The following NUP37 variants were observed in gnomAD, a reference collection of about 807,000 sequenced individuals.
NUP37 encodes the protein nucleoporin 37, also known as nucleoporin Nup37.
A neutral mutation model predicts 45.4 loss-of-function variants in NUP37; 33 were observed. The ratio of observed to expected loss-of-function variants is 0.73; its 90% CI spans 0.55 to 0.97. NUP37 has a LOEUF of 0.97. Ranked by LOEUF, NUP37 falls within the 50% of genes least tolerant of loss-of-function variation. NUP37 has a pLI of 0.00. For missense variants in NUP37, 365 were observed against 389.7 expected (o/e 0.94, Z 0.53); for synonymous variants, 127 against 130.7 (o/e 0.97, Z 0.19).
At chr12:102,102,469 TTGAG>T (rs1374727593) in intron 3 of NUP37, among the ~76,000 whole-genome samples, 3 of 152,232 alleles carry the variant, frequency 2.0e-5, no homozygotes, top group East Asian at 1.9e-4. Flanking sequence ...TTTCTTGTGA[TTGAG>T]TAATTTGAGT....
At chr12:102,075,949 T>C (rs1201329334) in intron 8 of NUP37, among the ~76,000 whole-genome samples, 1 of 152,146 alleles carries the variant, frequency 6.6e-6, no homozygotes, top group Non-Finnish European at 1.5e-5. Context: ...CACAGCCATC[T>C]TGTAACTATG....
chr12:102,077,177 A>G, intron 7 of NUP37, 145 bp downstream of exon 7: 1 of 791,146 alleles, frequency 1.3e-6, no homozygotes, highest in East Asian at 2.6e-5. Context: ...GTTATATAAA[A>G]ATCCATAGCT....
At chr12:102,097,078 G>A (rs1456194420) in intron 5 of NUP37, among the ~76,000 whole-genome samples, 1 of 152,052 alleles carries the variant, frequency 6.6e-6, no homozygotes, top group Non-Finnish European at 1.5e-5. Flanking sequence ...CTCATTCTGG[G>A]ATCAGTAGCT....
At chr12:102,074,652 C>T in intron 9 of NUP37, 185 bp from the exon 10 acceptor site, 1 of 543,342 alleles carries the variant, frequency 1.8e-6, no homozygotes, top group Non-Finnish European at 3.2e-6. Context: ...GGATACAATC[C>T]ATCTATGAAT....
chr12:102,085,720 A>G (rs777177947), intron 6 of NUP37, 46 bp downstream of exon 6: 36 of 914,150 alleles, frequency 3.9e-5, no homozygotes, highest in East Asian at 1.1e-4. Context: ...TTATATCTCT[A>G]TAAGTCTTTT....
intron 3 of NUP37, among the ~76,000 whole-genome samples, chr12:102,110,310 G>T (rs1029810012): frequency 6.6e-6 from 1 of 151,886 alleles, no homozygotes; most frequent in Non-Finnish European, 1.5e-5. Context: ...GACCAGCCTG[G>T]GCAACATGGC....
At chr12:102,088,207 T>G (rs1417339202) in intron 5 of NUP37, among the ~76,000 whole-genome samples, 1 of 152,206 alleles carries the variant, frequency 6.6e-6, no homozygotes, top group Non-Finnish European at 1.5e-5. Context: ...TGTTAAGTCT[T>G]ATTTTCCTTT....
intron 5 of NUP37, among the ~76,000 whole-genome samples, chr12:102,089,002 G>A (rs940278659): frequency 1.3e-5 from 2 of 151,910 alleles, no homozygotes; most frequent in Admixed American, 1.3e-4. Flanking sequence ...GACACAGCAC[G>A]TTTCAGAGAG....
intron 5 of NUP37, among the ~76,000 whole-genome samples, chr12:102,089,896 A>G (rs867897948): frequency 5.3e-5 from 8 of 152,238 alleles, no homozygotes; most frequent in Non-Finnish European, 8.8e-5. Flanking sequence ...GTCGTCACCA[A>G]GAATGCTGCT....
At position 102,112,506 on chromosome 12, in the gene NUP37, G is replaced by T. The variant is rs1481049235; in HGVS notation, c.157-274C>A. Among the ~76,000 whole-genome samples, 3 of 152,076 alleles carry T rather than the reference G, an allele frequency of 2.0e-5. No individual in the cohort carries two copies. In the East Asian group the frequency reaches 5.8e-4, roughly 29 times the overall value. ...ATTTCATAATAAGTTCAATGAAAAT[G>T]GACTGCTTGGTCAGGCGTGTTGGCT... On this transcript the variant is annotated intron_variant, in intron 2 of 9. Transcript: ENST00000552283.
At chr12:102,097,503 C>T (rs1879838900) in intron 5 of NUP37, among the ~76,000 whole-genome samples, 1 of 152,090 alleles carries the variant, frequency 6.6e-6, no homozygotes, top group Non-Finnish European at 1.5e-5. Context: ...AACCCTATGT[C>T]AGTCCCCTAA....
chr12:102,077,720 C>T (rs1278716554), intron 6 of NUP37, among the ~76,000 whole-genome samples: 1 of 152,100 alleles, frequency 6.6e-6, no homozygotes. Flanking sequence ...AAGCACTTAA[C>T]ACAAACTTTG....
intron 4 of NUP37, among the ~76,000 whole-genome samples, 163 bp from the exon 5 acceptor site, chr12:102,099,363 C>G (rs973412163): frequency 6.6e-6 from 1 of 152,152 alleles, no homozygotes; most frequent in Non-Finnish European, 1.5e-5. Context: ...TTTATACACC[C>G]ACTTTTCTAG....
rs139625051 is a variant in NUP37 at position 102,118,369 on chromosome 12, C to T, written c.150G>A (p.Thr50=). ...GNNYVVIGTC[T]FQEEEADVEG... is the part of the protein sequence containing the mutation. ...TGCAGTTTTGTAGACTAACCTGAAA[C>T]GTACACGTGCCAATGACCACATAAT... Residue 50 remains threonine, a synonymous_variant, in exon 2 of 10, where the codon ACG becomes ACA. Transcript: ENST00000552283. 3.2e-4 allele frequency: 523 copies of T among 1,612,006 alleles called. No individual in the cohort carries two copies. The highest frequency in any genetic ancestry group is 4.0e-4 in the Non-Finnish European group (472 of 1,179,170).
intron 7 of NUP37, 91 bp from the exon 8 acceptor site, chr12:102,076,938 A>T (rs1167333244): frequency 1.2e-6 from 1 of 863,780 alleles, no homozygotes; most frequent in Non-Finnish European, 1.9e-6. Flanking sequence ...TTTATAGGAC[A>T]GAATGTCCAA....
chr12:102,104,745 T>C (rs944606497), intron 3 of NUP37, among the ~76,000 whole-genome samples: 4 of 152,220 alleles, frequency 2.6e-5, no homozygotes, highest in African/African-American at 9.6e-5. Context: ...TTGTCAAAGA[T>C]CATTTGATGG....
At chr12:102,074,787 C>CA (rs548638254) in intron 9 of NUP37, 208 of 443,904 alleles carry the variant, frequency 4.7e-4, no homozygotes, top group African/African-American at 3.8e-3. Flanking sequence ...GAATACTGGC[C>CA]AAAAAAACCT....
intron 6 of NUP37, among the ~76,000 whole-genome samples, chr12:102,084,146 A>G (rs561382217): frequency 1.3e-5 from 2 of 152,198 alleles, no homozygotes; most frequent in Non-Finnish European, 2.9e-5. Context: ...TGGATAATTT[A>G]TTTAATTTCT....
At chr12:102,078,670 T>G (rs1478939226) in intron 6 of NUP37, among the ~76,000 whole-genome samples, 2 of 152,194 alleles carry the variant, frequency 1.3e-5, no homozygotes, top group Non-Finnish European at 2.9e-5. Flanking sequence ...TAAGAATGGC[T>G]GCAGGATTGT....
Sources: gnomAD v4.1 joint callset for allele counts (sites outside exome capture counted in the v4.1 genomes callset) on GRCh38, gnomAD v4.1.1 for gene constraint, MANE v1.5 for transcripts, NCBI Gene and HGNC (gene_info 2026-07-23, HGNC 2026-07-21) for gene names.